The following NRXN1 variants were observed in gnomAD, a reference collection of about 807,000 sequenced individuals.
NRXN1 encodes the protein neurexin 1, also known as neurexin-1.
A neutral mutation model predicts 150.9 loss-of-function variants in NRXN1; 39 were observed. The observed-to-expected ratio is 0.26, with a 90% CI of 0.20 to 0.34. NRXN1 has a LOEUF of 0.34. NRXN1 is among the 10% of genes least tolerant of loss of function. The probability of loss-of-function intolerance (pLI) is 1.00; values close to 1 mark genes in which losing one functional copy is unlikely to be tolerated. For missense variants in NRXN1, 1,815 were observed against 1,949.9 expected, an observed-to-expected ratio of 0.93 and a Z score of 1.30; for synonymous variants, 924 against 757.0, an observed-to-expected ratio of 1.22 and a Z score of -3.62.
chr2:50,126,313 A>T (rs1248036691), intron 18 of NRXN1, among the ~76,000 whole-genome samples: 1 of 152,042 alleles, frequency 6.6e-6, no homozygotes, highest in African/African-American at 2.4e-5. Context: ...CCTTCTCTTA[A>T]TATTTAACTA....
At chr2:50,130,772 T>G (rs1705349755) in intron 18 of NRXN1, among the ~76,000 whole-genome samples, 1 of 152,216 alleles carries the variant, frequency 6.6e-6, no homozygotes, top group African/African-American at 2.4e-5. Context: ...GAAAAGGCTT[T>G]AAGTTCATTT....
chr2:50,963,341 A>T (rs1175727084), intron 2 of NRXN1, among the ~76,000 whole-genome samples: 1 of 151,134 alleles, frequency 6.6e-6, no homozygotes, highest in East Asian at 1.9e-4. Context: ...TTCCCTCCTT[A>T]TTTCCTTCCT....
At chr2:50,099,894 T>C (rs1405320109) in intron 18 of NRXN1, among the ~76,000 whole-genome samples, 1 of 152,166 alleles carries the variant, frequency 6.6e-6, no homozygotes, top group Non-Finnish European at 1.5e-5. Flanking sequence ...CCGTTGATTA[T>C]GCTGAGGCAG....
chr2:50,701,495 A>G (rs1693735527), intron 5 of NRXN1, among the ~76,000 whole-genome samples: 1 of 152,158 alleles, frequency 6.6e-6, no homozygotes, highest in Non-Finnish European at 1.5e-5. Context: ...CTACATATAT[A>G]CTGACACTTG....
chr2:50,920,006 T>C (rs1685765797), intron 5 of NRXN1: 1 of 401,724 alleles, frequency 2.5e-6, no homozygotes, highest in Non-Finnish European at 5.4e-6. Flanking sequence ...GTTGAATTAA[T>C]CTGCAATTAG....
intron 17 of NRXN1, among the ~76,000 whole-genome samples, chr2:50,445,497 G>C (rs1431963343): frequency 1.3e-5 from 2 of 152,126 alleles, no homozygotes; most frequent in Admixed American, 6.6e-5. Context: ...TCTGAGCTCT[G>C]AAAAATCTGA....
intron 5 of NRXN1, among the ~76,000 whole-genome samples, chr2:50,681,709 T>G (rs536591991): frequency 6.6e-6 from 1 of 152,286 alleles, no homozygotes; most frequent in South Asian, 2.1e-4. Context: ...AAATAGAAGC[T>G]TTGCTTTGTT....
Position 49,918,603 on chromosome 2 carries a change from G to A in NRXN1, c.*3341C>T, listed in dbSNP as rs559451574. 1.0e-3 allele frequency: 159 copies of A among 152,090 alleles called. No homozygotes were observed. The highest frequency in any genetic ancestry group is 3.8e-3 in the African/African-American group (156 of 41,538). The allele number at this position is 152,090 out of a possible 1,614,324, so 9.4% of individuals were successfully genotyped here. A position where few individuals can be genotyped will look rare whatever the true frequency, so the allele number is the denominator to read the frequency against. Reference sequence around the variant, plus strand: ...TTTATGAAATTAGTATTTTAATATTGTTTGCAACTAATACTGTATGAGTTT... The same window carrying A: ...TTTATGAAATTAGTATTTTAATATTATTTGCAACTAATACTGTATGAGTTT... On this transcript the variant is annotated 3_prime_UTR_variant, in exon 23 of 23. Transcript: ENST00000401669.
At chr2:50,663,285 A>G (rs1332695976) in intron 5 of NRXN1, among the ~76,000 whole-genome samples, 1 of 151,884 alleles carries the variant, frequency 6.6e-6, no homozygotes, top group Non-Finnish European at 1.5e-5. Context: ...GCTTGTTCTC[A>G]CATCTCTGTC....
intron 2 of NRXN1, among the ~76,000 whole-genome samples, chr2:50,940,522 T>C (rs1689266374): frequency 1.3e-5 from 2 of 150,900 alleles, no homozygotes; most frequent in African/African-American, 4.9e-5. Flanking sequence ...CCACATTGTA[T>C]GACACAACAT....
At chr2:50,511,106 G>C (rs1178094385) in intron 12 of NRXN1, among the ~76,000 whole-genome samples, 4 of 151,726 alleles carry the variant, frequency 2.6e-5, no homozygotes. Context: ...TGTTGCTCAG[G>C]CTAGAGTGCA....
chr2:50,126,809 C>T (rs1704654775), intron 18 of NRXN1, among the ~76,000 whole-genome samples: 1 of 151,924 alleles, frequency 6.6e-6, no homozygotes, highest in African/African-American at 2.4e-5. Context: ...CTGCCTGTCC[C>T]AAAAAGACAG....
intron 22 of NRXN1, among the ~76,000 whole-genome samples, chr2:49,929,645 C>A (rs1313942313): frequency 1.3e-5 from 2 of 152,158 alleles, no homozygotes; most frequent in Non-Finnish European, 2.9e-5. Context: ...ATGCCTTGCT[C>A]ATATAACCTT....
At chr2:50,958,183 G>T (rs373710712) in intron 2 of NRXN1, among the ~76,000 whole-genome samples, 1 of 152,124 alleles carries the variant, frequency 6.6e-6, no homozygotes, top group Admixed American at 6.6e-5. Context: ...TAATCAGAAA[G>T]TGTGGTCAAG....
At chr2:50,054,374 A>G (rs1208902555) in intron 20 of NRXN1, among the ~76,000 whole-genome samples, 1 of 152,174 alleles carries the variant, frequency 6.6e-6, no homozygotes, top group East Asian at 1.9e-4. Flanking sequence ...CAAATTGAGT[A>G]TCCAGTTTTA....
intron 21 of NRXN1, among the ~76,000 whole-genome samples, chr2:50,047,798 T>G (rs1183423635): frequency 6.6e-6 from 1 of 152,060 alleles, no homozygotes; most frequent in Admixed American, 6.6e-5. Context: ...AGAACATAAG[T>G]TCGGTGCAGA....
intron 5 of NRXN1, among the ~76,000 whole-genome samples, chr2:50,759,868 G>A (rs1320210602): frequency 7.5e-6 from 1 of 133,416 alleles, no homozygotes; most frequent in Non-Finnish European, 1.6e-5. Context: ...GTGTGTGTGT[G>A]TGACTTAATC....
intron 18 of NRXN1, among the ~76,000 whole-genome samples, chr2:50,199,672 A>G (rs1279059498): frequency 6.6e-6 from 1 of 152,078 alleles, no homozygotes; most frequent in Non-Finnish European, 1.5e-5. Context: ...AGGATTTGTC[A>G]GTGAATTGTT....
chr2:49,947,425 C>T (rs756108817), intron 21 of NRXN1, among the ~76,000 whole-genome samples: 3 of 151,632 alleles, frequency 2.0e-5, no homozygotes, highest in Non-Finnish European at 2.9e-5. Flanking sequence ...CTGAGGTCTG[C>T]TACTATCATT....
Sources: gnomAD v4.1 joint callset for allele counts (sites outside exome capture counted in the v4.1 genomes callset) on GRCh38, gnomAD v4.1.1 for gene constraint, MANE v1.5 for transcripts, NCBI Gene and HGNC (gene_info 2026-07-23, HGNC 2026-07-21) for gene names.